Variants in DMXL1 observed in about 807,000 individuals in gnomAD.
DMXL1 encodes the protein Dmx like 1, also known as dmX-like protein 1.
In DMXL1, 99 loss-of-function variants were observed where a neutral mutation model predicts 319.2. That is an observed-to-expected ratio of 0.31 (90% CI 0.26 to 0.37). The LOEUF is 0.37. Ranked by LOEUF, DMXL1 falls within the 10% of genes least tolerant of loss-of-function variation. DMXL1 has a pLI of 1.00. For synonymous variants in DMXL1, 1,385 were observed against 1,235.2 expected, an observed-to-expected ratio of 1.12 and a Z score of -2.54; for missense variants, 3,745 against 3,595.6, an observed-to-expected ratio of 1.04 and a Z score of -1.06.
intron 19 of DMXL1, among the ~76,000 whole-genome samples, chr5:119,157,091 A>G (rs1366950669): frequency 6.6e-6 from 1 of 151,394 alleles, no homozygotes; most frequent in Non-Finnish European, 1.5e-5. Context: ...GCCTCAAGCC[A>G]TCCTCCTGCC....
At chr5:119,172,749 A>G (rs921154682) in intron 25 of DMXL1, among the ~76,000 whole-genome samples, 4 of 151,718 alleles carry the variant, frequency 2.6e-5, no homozygotes, top group Non-Finnish European at 5.9e-5. Context: ...TTTTTTTTTA[A>G]TAGTCTATCA....
intron 1 of DMXL1, among the ~76,000 whole-genome samples, chr5:119,084,038 T>A (rs746460847): frequency 6.6e-6 from 1 of 152,188 alleles, no homozygotes; most frequent in African/African-American, 2.4e-5. Flanking sequence ...TCCTGATGAT[T>A]TGTGATGTTG....
At chr5:119,126,010 A>G (rs1448193704) in intron 9 of DMXL1, among the ~76,000 whole-genome samples, 1 of 152,046 alleles carries the variant, frequency 6.6e-6, no homozygotes, top group East Asian at 1.9e-4. Context: ...TATGTTATTG[A>G]CTGGGTTCGA....
chr5:119,207,542 G>A (rs754944423), intron 34 of DMXL1, among the ~76,000 whole-genome samples: 1 of 151,956 alleles, frequency 6.6e-6, no homozygotes, highest in South Asian at 2.1e-4. Context: ...TTTTTGAGAC[G>A]GAGTTTCGCT....
Position 119,225,597 on chromosome 5 carries a change from C to T in DMXL1, c.8338+828C>T, listed in dbSNP as rs187896459. Among the ~76,000 whole-genome samples, 372 of 152,182 alleles carry T rather than the reference C, an allele frequency of 2.4e-3. 6 individuals carry two copies. Among genetic ancestry groups the T allele is most frequent in the Non-Finnish European group, 3.7e-3 (252 of 67,936 alleles). ...AGAAACTTTTCTCTTGGGAGATATT[C>T]TGATAAAATGCAGTTAACAAAATCA... On this transcript the variant is annotated intron_variant, in intron 38 of 43. Coordinates refer to ENST00000539542, the MANE Select transcript of DMXL1 (RefSeq NM_001290321.3).
At chr5:119,081,456 A>T in intron 1 of DMXL1, 1 of 538,748 alleles carries the variant, frequency 1.9e-6, no homozygotes, top group Non-Finnish European at 2.4e-6. Flanking sequence ...TTTTTAAAAT[A>T]AAACATATTT....
At chr5:119,087,228 T>A (rs538411711) in intron 1 of DMXL1, among the ~76,000 whole-genome samples, 1 of 152,110 alleles carries the variant, frequency 6.6e-6, no homozygotes, top group Non-Finnish European at 1.5e-5. Context: ...TGTTCTTGTT[T>A]TTCAAGTTCC....
chr5:119,165,038 T>A (rs1375964828), intron 20 of DMXL1, 145 bp from the exon 21 acceptor site: 1 of 541,654 alleles, frequency 1.8e-6, no homozygotes, highest in East Asian at 3.2e-5. Context: ...GTTATTATTT[T>A]ATATATACAT....
chr5:119,106,951 A>G (rs1027719472), intron 4 of DMXL1, among the ~76,000 whole-genome samples: 2 of 152,244 alleles, frequency 1.3e-5, no homozygotes, highest in African/African-American at 4.8e-5. Context: ...AGTTAGAGGT[A>G]GTGGAACATA....
At chr5:119,148,691 G>T (rs774187811) in intron 17 of DMXL1, 48 bp from the exon 18 acceptor site, 2 of 1,552,340 alleles carry the variant, frequency 1.3e-6, no homozygotes, top group East Asian at 4.5e-5. Context: ...AAAAACAGAA[G>T]TATTTAACCA....
At chr5:119,111,204 A>G (rs1759511645) in intron 5 of DMXL1, among the ~76,000 whole-genome samples, 2 of 122,534 alleles carry the variant, frequency 1.6e-5, no homozygotes, top group South Asian at 6.1e-4. Flanking sequence ...TTTCTATAAA[A>G]TGAAACAAAA....
intron 29 of DMXL1, 76 bp from the exon 30 acceptor site, chr5:119,193,752 A>G: frequency 1.5e-6 from 2 of 1,374,832 alleles, no homozygotes; most frequent in Non-Finnish European, 2.0e-6. Context: ...GAGATGAATT[A>G]TTACTATTAG....
At chr5:119,110,510 T>A (rs1312085779) in intron 5 of DMXL1, among the ~76,000 whole-genome samples, 3 of 152,226 alleles carry the variant, frequency 2.0e-5, no homozygotes, top group Non-Finnish European at 2.9e-5. Flanking sequence ...AAGGCTTACA[T>A]GAAGACCATT....
At chr5:119,195,524 A>G (rs1581254241) in intron 30 of DMXL1, among the ~76,000 whole-genome samples, 2 of 152,346 alleles carry the variant, frequency 1.3e-5, no homozygotes, top group Middle Eastern at 3.4e-3. Flanking sequence ...GGTACCTAGA[A>G]TAGTGAAATA....
At position 119,171,967 on chromosome 5, in the gene DMXL1, AAAGT is replaced by A; in HGVS notation, c.6681+4_6681+7del. On this transcript the variant is annotated splice_donor_variant and coding_sequence_variant, in exon 25 of 44. Transcript: ENST00000539542. LOFTEE classifies it high-confidence loss of function. ...ACCCCACCCTGATATCCAAAGCAAT[AAAGT>A]AAGTATGCTTGGTTTCAAGCTTTTA... The A allele has an allele frequency of 6.2e-7, 1 of 1,608,030 alleles. No homozygotes were observed. Among genetic ancestry groups the A allele is most frequent in the Non-Finnish European group, 8.5e-7 (1 of 1,177,014 alleles).
intron 6 of DMXL1, 136 bp downstream of exon 6, chr5:119,114,677 T>C (rs1760433059): frequency 8.8e-6 from 6 of 684,708 alleles, no homozygotes; most frequent in Admixed American, 3.3e-5. Flanking sequence ...TTTTTTTGTT[T>C]GTTTGTTTTG....
intron 15 of DMXL1, among the ~76,000 whole-genome samples, chr5:119,145,037 G>A (rs927822622): frequency 1.3e-5 from 2 of 151,676 alleles, no homozygotes; most frequent in African/African-American, 4.8e-5. Context: ...CTTAATTAAT[G>A]CTTTTATAAT....
intron 15 of DMXL1, among the ~76,000 whole-genome samples, chr5:119,144,922 C>T (rs1768184807): frequency 6.6e-6 from 1 of 151,618 alleles, no homozygotes; most frequent in Admixed American, 6.6e-5. Context: ...GGGGTCCTAC[C>T]CATCCATTTG....
intron 1 of DMXL1, among the ~76,000 whole-genome samples, chr5:119,073,804 C>A (rs757130518): frequency 6.6e-6 from 1 of 152,134 alleles, no homozygotes; most frequent in Non-Finnish European, 1.5e-5. Context: ...AAGTTGCTTA[C>A]GCTCATTATC....
Sources: allele counts gnomAD v4.1 joint callset (sites outside exome capture counted in the v4.1 genomes callset), GRCh38; gene constraint gnomAD v4.1.1; transcripts MANE v1.5; gene names NCBI Gene and HGNC (gene_info 2026-07-23, HGNC 2026-07-21).